CCDC7: variants seen among roughly 807,000 people sequenced by gnomAD.
CCDC7 encodes the protein coiled-coil domain-containing protein 7.
A neutral mutation model predicts 196.9 loss-of-function variants in CCDC7; 183 were observed. The ratio of observed to expected loss-of-function variants is 0.93; its 90% CI spans 0.82 to 1.05. The LOEUF is 1.05. CCDC7 is among the 50% of genes least tolerant of loss of function. The probability of loss-of-function intolerance (pLI) is 0.00; values close to 1 mark genes in which losing one functional copy is unlikely to be tolerated. For synonymous variants in CCDC7, 525 were observed against 484.6 expected (o/e 1.08, Z -1.10); for missense variants, 1,540 against 1,482.2 (o/e 1.04, Z -0.64).
chr10:32,596,849 T>C (rs190468012), intron 18 of CCDC7, among the ~76,000 whole-genome samples: 128 of 152,340 alleles, frequency 8.4e-4, no homozygotes, highest in African/African-American at 2.8e-3. Flanking sequence ...TGTTGAATAT[T>C]GGCCCCCACT....
chr10:32,668,142 G>C (rs1172874055), intron 21 of CCDC7, among the ~76,000 whole-genome samples: 1 of 152,110 alleles, frequency 6.6e-6, no homozygotes, highest in Non-Finnish European at 1.5e-5. Flanking sequence ...TTGTGAATGG[G>C]AGTTCACTCA....
In CCDC7 at chr10:32,798,087, A is replaced by G. The variant is rs10827134; in HGVS notation, c.3014-6928A>G. ...GGTGGATAAAGCATTCCATGAGTCC[A>G]TGGATAGTAGTTTTGGCAGAATCAT... On this transcript the variant is annotated intron_variant, in intron 29 of 41. Transcript: ENST00000639629. 3.9e-5 allele frequency among the ~76,000 whole-genome samples: 6 copies of G among 152,312 alleles called. No homozygotes were observed. In the East Asian group the frequency reaches 1.2e-3, roughly 29 times the overall value.
At chr10:32,781,299 C>T (rs1342202045) in intron 29 of CCDC7, among the ~76,000 whole-genome samples, 1 of 152,142 alleles carries the variant, frequency 6.6e-6, no homozygotes, top group Non-Finnish European at 1.5e-5. Flanking sequence ...TACTTCCTAA[C>T]TCATTCTATG....
At chr10:32,804,629 G>A (rs978442429) in intron 29 of CCDC7, among the ~76,000 whole-genome samples, 1 of 152,130 alleles carries the variant, frequency 6.6e-6, no homozygotes, top group Non-Finnish European at 1.5e-5. Context: ...TATCCATGTG[G>A]TATGAATGTG....
At chr10:32,465,350 A>C (rs1223952953) in intron 5 of CCDC7, among the ~76,000 whole-genome samples, 1 of 152,094 alleles carries the variant, frequency 6.6e-6, no homozygotes, top group Non-Finnish European at 1.5e-5. Flanking sequence ...AACATTTCTC[A>C]ATCTATCCAG....
intron 28 of CCDC7, among the ~76,000 whole-genome samples, chr10:32,744,373 GAAA>G (rs544931743): frequency 4.8e-5 from 6 of 125,280 alleles, no homozygotes; most frequent in Non-Finnish European, 3.4e-5. Context: ...TCCTGCTGGT[GAAA>G]AAAAAAAAAA....
At chr10:32,726,824 G>C (rs1267099433) in exon 26 of CCDC7, 1 of 1,566,648 alleles carries the variant, frequency 6.4e-7, no homozygotes, top group Non-Finnish European at 8.8e-7. Context: ...GGAAGGGAAA[G>C]GCGTAATAGT....
At chr10:32,572,137 C>T (rs539247213) in intron 16 of CCDC7, among the ~76,000 whole-genome samples, 1 of 151,848 alleles carries the variant, frequency 6.6e-6, no homozygotes, top group African/African-American at 2.4e-5. Flanking sequence ...ACTTTTTTTT[C>T]CTGACAACAG....
At position 32,824,588 on chromosome 10, in the gene CCDC7, GAGAA is replaced by G; in HGVS notation, c.3256_3259del (p.Lys1086ValfsTer7). The G allele has an allele frequency of 1.2e-6, 2 of 1,610,060 alleles. No homozygotes were observed. The highest frequency in any genetic ancestry group is 1.7e-6 in the Non-Finnish European group (2 of 1,177,036). On this transcript the variant is annotated frameshift_variant, in exon 32 of 42. Coordinates refer to ENST00000639629, the Ensembl canonical transcript of CCDC7. LOFTEE classifies it high-confidence loss of function. ...ATGATGCAATTAAGACGCAGTTAAA[GAGAA>G]AGAGTTACCCTGGTAAGAATAAGAA...
intron 41 of CCDC7, among the ~76,000 whole-genome samples, chr10:32,867,973 A>G (rs545506534): frequency 2.6e-5 from 4 of 151,974 alleles, no homozygotes; most frequent in African/African-American, 9.6e-5. Context: ...TTGTCTCTAT[A>G]AATTTAGCTA....
intron 18 of CCDC7, among the ~76,000 whole-genome samples, chr10:32,615,441 G>A (rs534697064): frequency 8.5e-5 from 13 of 152,058 alleles, no homozygotes; most frequent in African/African-American, 2.4e-4. Flanking sequence ...AGATTGGACC[G>A]TCTTTCATAG....
At chr10:32,713,641 G>T (rs765090286) in intron 25 of CCDC7, among the ~76,000 whole-genome samples, 1 of 152,236 alleles carries the variant, frequency 6.6e-6, no homozygotes, top group East Asian at 1.9e-4. Context: ...CTTAGTGCCT[G>T]GTGGGACCAC....
At chr10:32,669,382 G>A (rs2073571483) in intron 21 of CCDC7, among the ~76,000 whole-genome samples, 1 of 152,092 alleles carries the variant, frequency 6.6e-6, no homozygotes, top group Non-Finnish European at 1.5e-5. Context: ...TTTGGTATCA[G>A]TAATGCTGGC....
intron 21 of CCDC7, among the ~76,000 whole-genome samples, chr10:32,680,459 C>T (rs1331383580): frequency 2.6e-5 from 4 of 151,282 alleles, no homozygotes; most frequent in Non-Finnish European, 4.4e-5. Flanking sequence ...ACTTTAAGTT[C>T]TAGAGTACAT....
intron 30 of CCDC7, 38 bp downstream of exon 31, chr10:32,805,136 T>C (rs762145081): frequency 2.1e-6 from 3 of 1,443,544 alleles, no homozygotes; most frequent in Admixed American, 1.7e-5. Flanking sequence ...TTCTCATTTA[T>C]TTTTCTCCTT....
Position 32,462,674 on chromosome 10 carries a change from A to AT in CCDC7, c.457-4dup. On this transcript the variant is annotated splice_polypyrimidine_tract_variant and intron_variant, in intron 3 of 41. Transcript: ENST00000639629. ...TTTTAAATGTGTTAATTAAAACTTT[A>AT]TTTTTCAGATTTTGGAATCTCTTTT... The AT allele has an allele frequency of 7.0e-7, 1 of 1,431,176 alleles. No individual in the cohort carries two copies. Among genetic ancestry groups the AT allele is most frequent in the Admixed American group, 2.3e-5 (1 of 43,470 alleles). The allele number at this position is 1,431,176 out of a possible 1,614,324, so 88.7% of individuals were successfully genotyped here. A position where few individuals can be genotyped will look rare whatever the true frequency, so the allele number is the denominator to read the frequency against.
intron 24 of CCDC7, among the ~76,000 whole-genome samples, chr10:32,705,583 G>T (rs561949045): frequency 6.6e-6 from 1 of 152,228 alleles, no homozygotes; most frequent in South Asian, 2.1e-4. Flanking sequence ...CATCTCACGT[G>T]CAGAGGCACA....
At chr10:32,685,510 A>T (rs772898468) in intron 21 of CCDC7, among the ~76,000 whole-genome samples, 1 of 152,194 alleles carries the variant, frequency 6.6e-6, no homozygotes, top group African/African-American at 2.4e-5. Context: ...CAGAAGCAGA[A>T]ACTAAGAATC....
chr10:32,824,397 C>T (rs1199859170), intron 31 of CCDC7, 121 bp from the exon 33 acceptor site: 2 of 541,102 alleles, frequency 3.7e-6, no homozygotes, highest in Non-Finnish European at 6.4e-6. Context: ...GCAATCTGGA[C>T]ACTTTATTAT....
Sources: gnomAD v4.1 joint callset for allele counts (sites outside exome capture counted in the v4.1 genomes callset) on GRCh38, gnomAD v4.1.1 for gene constraint, MANE v1.5 for transcripts, NCBI Gene and HGNC (gene_info 2026-07-23, HGNC 2026-07-21) for gene names.